MYT1L: variants seen among roughly 807,000 people sequenced by gnomAD.
MYT1L encodes myelin transcription factor 1-like protein.
A neutral mutation model predicts 126.7 loss-of-function variants in MYT1L; 12 were observed. The ratio of observed to expected loss-of-function variants is 0.09; its 90% CI spans 0.06 to 0.15. MYT1L has a LOEUF of 0.15. Ranked by LOEUF, MYT1L falls within the 10% of genes least tolerant of loss-of-function variation. The pLI, the probability that MYT1L is intolerant of heterozygous loss-of-function variation, is 1.00. For missense variants in MYT1L, 979 were observed against 1,585.2 expected (o/e 0.62, Z 6.49); for synonymous variants, 541 against 604.2 (o/e 0.90, Z 1.53).
chr2:1,982,963 A>G (rs1428681105), intron 5 of MYT1L, among the ~76,000 whole-genome samples: 1 of 152,236 alleles, frequency 6.6e-6, no homozygotes, highest in Non-Finnish European at 1.5e-5. Flanking sequence ...TGGTTGGATA[A>G]GGATAAGAAT....
intron 2 of MYT1L, among the ~76,000 whole-genome samples, chr2:2,210,168 A>T (rs1352801251): frequency 1.3e-5 from 2 of 151,790 alleles, no homozygotes; most frequent in Non-Finnish European, 2.9e-5. Context: ...GATTTGTCTG[A>T]TCTCCTTCTA....
chr2:2,204,913 C>G (rs2093251162), intron 2 of MYT1L, among the ~76,000 whole-genome samples: 2 of 151,504 alleles, frequency 1.3e-5, no homozygotes, highest in Non-Finnish European at 2.9e-5. Flanking sequence ...ACATATACAC[C>G]ATGGAATACT....
At position 2,318,333 on chromosome 2, in the gene MYT1L, T is replaced by C. The variant is rs145400269; in HGVS notation, c.-521+12634A>G. ...GTAATAAAAATGAGATGTTACCTGT[T>C]GTCTCACAAATTTGCCTTTCCACTC... On this transcript the variant is annotated intron_variant, in intron 1 of 24. Transcript: ENST00000647738. Among the ~76,000 whole-genome samples, 3 of 152,340 alleles carry C rather than the reference T, an allele frequency of 2.0e-5. No individual in the cohort carries two copies. In the East Asian group the frequency reaches 5.8e-4, roughly 29 times the overall value.
intron 3 of MYT1L, among the ~76,000 whole-genome samples, chr2:2,122,155 C>T (rs1468387109): frequency 2.0e-5 from 3 of 152,216 alleles, no homozygotes; most frequent in African/African-American, 7.2e-5. Flanking sequence ...AGTCAACTGC[C>T]TGTATCTCCC....
intron 18 of MYT1L, among the ~76,000 whole-genome samples, chr2:1,865,259 G>A (rs1350152069): frequency 6.6e-6 from 1 of 152,158 alleles, no homozygotes; most frequent in East Asian, 1.9e-4. Context: ...TGACGGGGCT[G>A]AGGGACACCC....
intron 3 of MYT1L, among the ~76,000 whole-genome samples, chr2:2,158,994 A>G (rs1176696789): frequency 6.6e-6 from 1 of 152,224 alleles, no homozygotes; most frequent in Non-Finnish European, 1.5e-5. Context: ...GCACATATGC[A>G]GCACTTGTAG....
chr2:2,158,647 A>ACACACG (rs1013673847), intron 3 of MYT1L, among the ~76,000 whole-genome samples: 1 of 149,072 alleles, frequency 6.7e-6, no homozygotes, highest in African/African-American at 2.5e-5. Context: ...ACACACACAC[A>ACACACG]CGCGTAGGTG....
intron 8 of MYT1L, among the ~76,000 whole-genome samples, chr2:1,970,601 G>A (rs746325306): frequency 1.3e-5 from 2 of 152,174 alleles, no homozygotes; most frequent in Admixed American, 6.5e-5. Context: ...CAGGGTTCCC[G>A]GGGGCTCTGT....
chr2:2,082,795 G>A (rs74973125), intron 3 of MYT1L, among the ~76,000 whole-genome samples: 6,018 of 152,240 alleles, frequency 0.04, 169 homozygotes, highest in Non-Finnish European at 0.057. Context: ...GCATGATTAG[G>A]AATAAAACCA....
chr2:1,955,098 G>A lies in MYT1L; in HGVS notation c.153-11764C>T, dbSNP rs1036862268. On this transcript the variant is annotated intron_variant, in intron 8 of 24. Coordinates refer to ENST00000647738, the MANE Select transcript of MYT1L (RefSeq NM_001303052.2). ...ACCCAGGAGGCAGAGCCAAGATCAA[G>A]CCACTGCACACTCCAGCTTGGGCAA... Among the ~76,000 whole-genome samples the A allele has an allele frequency of 4.7e-5, 7 of 149,426 alleles. No individual in the cohort carries two copies. In the Admixed American group the frequency reaches 4.7e-4, roughly 10 times the overall value.
intron 18 of MYT1L, among the ~76,000 whole-genome samples, chr2:1,881,307 A>C (rs1322304435): frequency 6.6e-6 from 1 of 151,938 alleles, no homozygotes; most frequent in African/African-American, 2.4e-5. Flanking sequence ...CCTCAACAAG[A>C]AACTCCGTGA....
chr2:2,008,972 T>C (rs2063572704), intron 4 of MYT1L, among the ~76,000 whole-genome samples: 1 of 152,200 alleles, frequency 6.6e-6, no homozygotes, highest in Non-Finnish European at 1.5e-5. Context: ...TTGGTGACCT[T>C]GTCAAAAATT....
Position 1,811,630 on chromosome 2 carries a change from G to A in MYT1L, c.3081-2463C>T, listed in dbSNP as rs922149911. ...TTGCTGTTTTTTTGTTCATTTATTTGTTACTAGACATTGGCACTGCTGCTT... is the reference window on the plus strand; with the variant it reads ...TTGCTGTTTTTTTGTTCATTTATTTATTACTAGACATTGGCACTGCTGCTT... On this transcript the variant is annotated intron_variant, in intron 21 of 24. Transcript: ENST00000647738. The surrounding 1 kb of genome is among the most constrained non-coding windows in gnomAD (Gnocchi z 4.4). The A allele has an allele frequency of 2.6e-5, 4 of 152,346 alleles. No homozygotes were observed. The highest frequency in any genetic ancestry group is 1.3e-4 in the Admixed American group (2 of 15,278). 9.4% of individuals were successfully genotyped at this position (152,346 alleles called of 1,614,324 possible).
intron 2 of MYT1L, among the ~76,000 whole-genome samples, chr2:2,227,556 C>T (rs1380391513): frequency 6.6e-6 from 1 of 152,176 alleles, no homozygotes. Flanking sequence ...TCGTCACACC[C>T]AGCCCTGCAC....
chr2:1,957,189 A>G (rs1482828045), intron 8 of MYT1L, among the ~76,000 whole-genome samples: 1 of 152,202 alleles, frequency 6.6e-6, no homozygotes, highest in Non-Finnish European at 1.5e-5. Flanking sequence ...ATGAGATGTG[A>G]GTGCATGTCT....
intron 9 of MYT1L, among the ~76,000 whole-genome samples, chr2:1,934,305 T>C (rs201130749): frequency 0.018 from 2,363 of 133,530 alleles, 171 homozygotes; most frequent in African/African-American, 0.061. Context: ...TATATATATA[T>C]ATACAACCTC....
intron 18 of MYT1L, among the ~76,000 whole-genome samples, chr2:1,884,396 A>G (rs1383665664): frequency 6.6e-6 from 1 of 152,236 alleles, no homozygotes; most frequent in Non-Finnish European, 1.5e-5. Context: ...GTTGCGAGTC[A>G]TGAGGGGCTC....
intron 3 of MYT1L, among the ~76,000 whole-genome samples, chr2:2,168,903 C>T (rs1174044802): frequency 6.6e-6 from 1 of 152,164 alleles, no homozygotes; most frequent in African/African-American, 2.4e-5. Context: ...GTGGTCTTCA[C>T]TGGGGAGCTG....
chr2:2,165,871 AAAT>A (rs1284897240), intron 3 of MYT1L, among the ~76,000 whole-genome samples: 1 of 90,266 alleles, frequency 1.1e-5, no homozygotes, highest in Non-Finnish European at 2.5e-5. Context: ...TCTACTTTGT[AAAT>A]AATAAAATCT....
Sources: gnomAD v4.1 joint callset for allele counts (sites outside exome capture counted in the v4.1 genomes callset) on GRCh38, gnomAD v4.1.1 for gene constraint, Gnocchi (gnomAD v3.1) non-coding constraint, MANE v1.5 for transcripts, NCBI Gene and HGNC (gene_info 2026-07-23, HGNC 2026-07-21) for gene names.